Variants in PACRG observed in about 807,000 individuals in gnomAD.
PACRG encodes the protein parkin coregulated gene protein.
A neutral mutation model predicts 29.7 loss-of-function variants in PACRG; 29 were observed. That is an observed-to-expected ratio of 0.98 (90% CI 0.73 to 1.33). The LOEUF (loss-of-function observed/expected upper bound fraction) is 1.33, where lower values mean the gene tolerates loss of function less well. PACRG is among the 40% of genes most tolerant of loss of function. The pLI is 0.00. For missense variants in PACRG, 279 were observed against 316.2 expected (o/e 0.88, Z 0.89); for synonymous variants, 116 against 118.7 (o/e 0.98, Z 0.15).
intron 4 of PACRG, among the ~76,000 whole-genome samples, chr6:163,184,283 G>A (rs533468209): frequency 6.6e-6 from 1 of 152,254 alleles, no homozygotes; most frequent in South Asian, 2.1e-4. Flanking sequence ...AGCATTTCTT[G>A]TTCAGTTTAG....
intron 1 of PACRG, among the ~76,000 whole-genome samples, chr6:162,793,985 C>G (rs947822039): frequency 3.3e-5 from 5 of 152,152 alleles, no homozygotes; most frequent in African/African-American, 1.2e-4. Context: ...TACCCTTGAA[C>G]TTAAAATAAA....
chr6:163,134,325 G>A (rs1479060517), intron 4 of PACRG, among the ~76,000 whole-genome samples: 4 of 152,282 alleles, frequency 2.6e-5, no homozygotes, highest in South Asian at 4.1e-4. Flanking sequence ...GGGGCTGTAA[G>A]TACCCCTGCT....
intron 1 of PACRG, among the ~76,000 whole-genome samples, chr6:162,797,098 G>A (rs1416326660): frequency 1.3e-5 from 2 of 152,078 alleles, no homozygotes; most frequent in African/African-American, 4.8e-5. Context: ...CCAACATGGC[G>A]ACCCCCCGTC....
At chr6:163,125,572 A>G (rs1370216667) in intron 4 of PACRG, among the ~76,000 whole-genome samples, 2 of 152,234 alleles carry the variant, frequency 1.3e-5, no homozygotes, top group Non-Finnish European at 2.9e-5. Flanking sequence ...ACACAACTCA[A>G]TAGAAACAGC....
intron 4 of PACRG, among the ~76,000 whole-genome samples, chr6:163,252,582 G>A (rs1268097288): frequency 6.6e-6 from 1 of 152,198 alleles, no homozygotes; most frequent in Non-Finnish European, 1.5e-5. Context: ...TGCAGAGTCC[G>A]TGACTGTCAT....
intron 4 of PACRG, among the ~76,000 whole-genome samples, chr6:163,194,700 A>G (rs977803550): frequency 4.6e-5 from 7 of 152,304 alleles, no homozygotes; most frequent in Admixed American, 1.3e-4. Flanking sequence ...AAAATAGCCT[A>G]TTTGTGAAGG....
chr6:163,239,982 A>G (rs1782422523), intron 4 of PACRG, among the ~76,000 whole-genome samples: 1 of 136,154 alleles, frequency 7.3e-6, no homozygotes, highest in Admixed American at 7.5e-5. Context: ...TCACATACAC[A>G]TACACACACA....
intron 4 of PACRG, among the ~76,000 whole-genome samples, chr6:163,114,575 A>G (rs1052012568): frequency 6.6e-6 from 1 of 152,194 alleles, no homozygotes; most frequent in African/African-American, 2.4e-5. Context: ...CCTGGAGGAC[A>G]TTATACTAAG....
intron 4 of PACRG, among the ~76,000 whole-genome samples, chr6:163,289,216 C>T (rs538818315): frequency 2.0e-5 from 3 of 152,310 alleles, no homozygotes; most frequent in East Asian, 3.9e-4. Flanking sequence ...TGTCAGGACT[C>T]GCTGGTGTGC....
intron 4 of PACRG, among the ~76,000 whole-genome samples, chr6:163,208,700 A>G (rs1324671908): frequency 1.3e-5 from 2 of 152,222 alleles, no homozygotes; most frequent in Non-Finnish European, 2.9e-5. Context: ...TTTGCATGGA[A>G]TAAAATGTGA....
intron 4 of PACRG, among the ~76,000 whole-genome samples, chr6:163,157,204 G>T (rs375099390): frequency 6.6e-6 from 1 of 152,106 alleles, no homozygotes; most frequent in African/African-American, 2.4e-5. Context: ...CCTCCGTCCC[G>T]CGTCCAGTAG....
At chr6:163,136,566 TC>T (rs1346760231) in intron 4 of PACRG, among the ~76,000 whole-genome samples, 2 of 152,248 alleles carry the variant, frequency 1.3e-5, no homozygotes, top group African/African-American at 4.8e-5. Context: ...TTAAATTTTT[TC>T]CATAAAGATT....
chr6:163,186,471 C>T (rs532199597), intron 4 of PACRG, among the ~76,000 whole-genome samples: 1 of 152,220 alleles, frequency 6.6e-6, no homozygotes, highest in East Asian at 1.9e-4. Flanking sequence ...TCTAAACTTG[C>T]CACCTCTGTC....
chr6:163,074,224 G>A (rs1039559473), intron 3 of PACRG, among the ~76,000 whole-genome samples: 2 of 152,116 alleles, frequency 1.3e-5, no homozygotes, highest in African/African-American at 4.8e-5. Context: ...TAAACACAAT[G>A]GAGTGCTATT....
chr6:163,080,985 C>A (rs868238924), intron 3 of PACRG, among the ~76,000 whole-genome samples: 9 of 152,028 alleles, frequency 5.9e-5, no homozygotes, highest in Admixed American at 6.6e-5. Flanking sequence ...TGATCTAAAT[C>A]GATCATACTT....
At chr6:163,046,526 G>A (rs926872524) in intron 2 of PACRG, 16 of 151,850 alleles carry the variant, frequency 1.1e-4, no homozygotes, top group Admixed American at 5.9e-4. Flanking sequence ...GCCCAGAGGA[G>A]CTCCGTTACA....
At position 163,254,954 on chromosome 6, in the gene PACRG, A is replaced by C. The variant is rs370016051; in HGVS notation, c.614-59873A>C. Among the ~76,000 whole-genome samples, 71 of 152,326 alleles carry C rather than the reference A, an allele frequency of 4.7e-4. 2 individuals are homozygous for C. The South Asian group carries it at 0.014, about 30-fold the overall frequency. ...CCTTCTTTTTCTAATCAACTATTTAATTACACAAGCCACGGGCTTTCTACG... is the reference window on the plus strand; with the variant it reads ...CCTTCTTTTTCTAATCAACTATTTACTTACACAAGCCACGGGCTTTCTACG... On this transcript the variant is annotated intron_variant, in intron 4 of 4. Coordinates refer to ENST00000366888, the MANE Select transcript of PACRG (RefSeq NM_001080379.2).
chr6:163,214,152 G>C (rs1387465816), intron 4 of PACRG, among the ~76,000 whole-genome samples: 1 of 152,164 alleles, frequency 6.6e-6, no homozygotes, highest in East Asian at 1.9e-4. Context: ...ACTCTGTCCA[G>C]TATAGTAGCC....
chr6:162,731,372 A>G (rs1245708981), intron 1 of PACRG, among the ~76,000 whole-genome samples: 1 of 152,118 alleles, frequency 6.6e-6, no homozygotes, highest in Admixed American at 6.6e-5. Context: ...TAAAAATTTT[A>G]TCTGTATTGA....
Sources: gnomAD v4.1 joint callset for allele counts (sites outside exome capture counted in the v4.1 genomes callset) on GRCh38, gnomAD v4.1.1 for gene constraint, MANE v1.5 for transcripts, NCBI Gene and HGNC (gene_info 2026-07-23, HGNC 2026-07-21) for gene names.